NR3C2: variants seen among roughly 807,000 people sequenced by gnomAD.
NR3C2 encodes the protein nuclear receptor subfamily 3 group C member 2.
Under a neutral mutation model 86.4 loss-of-function variants are expected in NR3C2, and 15 were observed. The ratio of observed to expected loss-of-function variants is 0.17; its 90% CI spans 0.12 to 0.27. The LOEUF (loss-of-function observed/expected upper bound fraction) is 0.27, where lower values mean the gene tolerates loss of function less well. Among genes scored for constraint, NR3C2 ranks in the 10% least tolerant of loss-of-function variants. The pLI, the probability that NR3C2 is intolerant of heterozygous loss-of-function variation, is 1.00. For missense variants in NR3C2, 960 were observed against 1,195.6 expected (o/e 0.80, Z 2.91); for synonymous variants, 458 against 450.5 (o/e 1.02, Z -0.21).
intron 2 of NR3C2, among the ~76,000 whole-genome samples, chr4:148,405,145 G>A (rs546382612): frequency 1.2e-4 from 18 of 152,240 alleles, no homozygotes; most frequent in African/African-American, 4.1e-4. Context: ...AGAGCCAATC[G>A]ATGGAAATAG....
At chr4:148,149,334 C>T (rs1734005207) in intron 6 of NR3C2, among the ~76,000 whole-genome samples, 2 of 151,658 alleles carry the variant, frequency 1.3e-5, no homozygotes, top group African/African-American at 4.9e-5. Context: ...ATACACAAAG[C>T]TTATATGACC....
intron 4 of NR3C2, among the ~76,000 whole-genome samples, chr4:148,157,315 C>A (rs1414279375): frequency 1.3e-5 from 2 of 151,566 alleles, no homozygotes; most frequent in African/African-American, 4.8e-5. Flanking sequence ...TTAAAAAAAC[C>A]CCAAAAATGG....
At chr4:148,351,390 G>A (rs760574613) in intron 2 of NR3C2, among the ~76,000 whole-genome samples, 2 of 152,200 alleles carry the variant, frequency 1.3e-5, no homozygotes, top group Non-Finnish European at 2.9e-5. Context: ...CAATCCACCT[G>A]CCTAGGCCTC....
At chr4:148,337,542 A>G (rs1744554983) in intron 2 of NR3C2, among the ~76,000 whole-genome samples, 1 of 152,198 alleles carries the variant, frequency 6.6e-6, no homozygotes, top group Non-Finnish European at 1.5e-5. Context: ...TAATGCATTG[A>G]GTTTCAAATA....
chr4:148,410,065 C>T (rs1224287619), intron 2 of NR3C2, among the ~76,000 whole-genome samples: 1 of 151,988 alleles, frequency 6.6e-6, no homozygotes, highest in African/African-American at 2.4e-5. Context: ...TTAAGTACGT[C>T]ACATAAAAAA....
chr4:148,211,842 A>G (rs1737299194), intron 3 of NR3C2, among the ~76,000 whole-genome samples: 1 of 152,230 alleles, frequency 6.6e-6, no homozygotes, highest in Non-Finnish European at 1.5e-5. Flanking sequence ...TGGTGGACTT[A>G]GTTTTATTAT....
intron 3 of NR3C2, among the ~76,000 whole-genome samples, chr4:148,217,916 G>A (rs13116347): frequency 0.81 from 123,698 of 152,192 alleles, 50,837 homozygotes; most frequent in Admixed American, 0.91. Context: ...ACTTTCAACA[G>A]TGGTATCTTT....
At position 148,146,924 on chromosome 4, in the gene NR3C2, T is replaced by A. The variant is rs61757898; in HGVS notation, c.2510+5545A>T. 2.7e-3 allele frequency among the ~76,000 whole-genome samples: 418 copies of A among 152,286 alleles called. 3 individuals are homozygous for A. The highest frequency in any genetic ancestry group is 4.4e-3 in the Non-Finnish European group (297 of 68,026). The stretch of plus-strand genomic sequence containing the variant: ...AAAGAGAGTAATACTGAACCTTCAT[T>A]TCAGATCTTATAAAAAAAGAAAAAA... On this transcript the variant is annotated intron_variant, in intron 6 of 8. Coordinates refer to ENST00000358102, the MANE Select transcript of NR3C2 (RefSeq NM_000901.5).
chr4:148,318,096 A>G (rs936601071), intron 2 of NR3C2, among the ~76,000 whole-genome samples: 1 of 145,962 alleles, frequency 6.9e-6, no homozygotes, highest in Admixed American at 7.2e-5. Flanking sequence ...TTACTGTTCA[A>G]TTCCCACCTA....
chr4:148,204,146 A>T (rs1736881221), intron 3 of NR3C2, among the ~76,000 whole-genome samples: 1 of 152,220 alleles, frequency 6.6e-6, no homozygotes, highest in African/African-American at 2.4e-5. Flanking sequence ...ATATTTTAGT[A>T]AAAGATAATC....
At chr4:148,214,493 G>T (rs1030016091) in intron 3 of NR3C2, among the ~76,000 whole-genome samples, 2 of 152,160 alleles carry the variant, frequency 1.3e-5, no homozygotes, top group African/African-American at 4.8e-5. Context: ...AGGTCCCCAT[G>T]AATGCATTTG....
chr4:148,155,362 C>A (rs1362647235), intron 4 of NR3C2, among the ~76,000 whole-genome samples: 1 of 152,118 alleles, frequency 6.6e-6, no homozygotes, highest in East Asian at 1.9e-4. Context: ...ATCTAGAAAA[C>A]CCCACTGTCT....
At chr4:148,152,421 G>A (rs367634829) in intron 6 of NR3C2, 48 bp downstream of exon 6, 11 of 1,569,942 alleles carry the variant, frequency 7.0e-6, no homozygotes, top group African/African-American at 4.1e-5. Context: ...AAATCATAAC[G>A]CATAACTCTG....
chr4:148,240,059 C>T (rs1395608299), intron 3 of NR3C2, among the ~76,000 whole-genome samples: 1 of 151,784 alleles, frequency 6.6e-6, no homozygotes, highest in Non-Finnish European at 1.5e-5. Flanking sequence ...TCATAAATTT[C>T]CTGGCACAGC....
intron 2 of NR3C2, among the ~76,000 whole-genome samples, chr4:148,311,836 T>A (rs1470668443): frequency 6.6e-6 from 1 of 152,204 alleles, no homozygotes; most frequent in Non-Finnish European, 1.5e-5. Flanking sequence ...GCCAAGATAC[T>A]CCTGCTTAGG....
intron 2 of NR3C2, among the ~76,000 whole-genome samples, chr4:148,404,364 T>G (rs895844601): frequency 3.9e-5 from 6 of 152,142 alleles, no homozygotes; most frequent in Non-Finnish European, 7.4e-5. Context: ...AAAAGAAGAA[T>G]AAAAATACAT....
intron 3 of NR3C2, among the ~76,000 whole-genome samples, chr4:148,229,777 G>A (rs1029085298): frequency 6.6e-5 from 10 of 152,140 alleles, no homozygotes; most frequent in East Asian, 5.8e-4. Flanking sequence ...GATAGTTTAC[G>A]TTTTTTATAA....
intron 8 of NR3C2, among the ~76,000 whole-genome samples, chr4:148,099,606 C>T (rs1016689940): frequency 1.3e-5 from 2 of 152,146 alleles, no homozygotes; most frequent in African/African-American, 2.4e-5. Flanking sequence ...TACTCATCCT[C>T]ACCTCATGGA....
chr4:148,371,053 T>C (rs1394886095), intron 2 of NR3C2, among the ~76,000 whole-genome samples: 1 of 152,126 alleles, frequency 6.6e-6, no homozygotes, highest in Admixed American at 6.5e-5. Flanking sequence ...ATTTTTAATT[T>C]TTGTAGGTAT....
Sources: allele counts gnomAD v4.1 joint callset (sites outside exome capture counted in the v4.1 genomes callset), GRCh38; gene constraint gnomAD v4.1.1; transcripts MANE v1.5; gene names NCBI Gene and HGNC (gene_info 2026-07-23, HGNC 2026-07-21).